The following NCOA7 variants were observed in gnomAD, a reference collection of about 807,000 sequenced individuals.
NCOA7 encodes the protein nuclear receptor coactivator 7.
NCOA7 carries 45 observed loss-of-function variants against 104.3 expected under a neutral mutation model. That is an observed-to-expected ratio of 0.43 (90% CI 0.34 to 0.55). NCOA7 has a LOEUF of 0.55. NCOA7 is among the 20% of genes least tolerant of loss of function. NCOA7 has a pLI of 0.02. For synonymous variants in NCOA7, 398 were observed against 402.3 expected, an observed-to-expected ratio of 0.99 and a Z score of 0.13; for missense variants, 1,041 against 1,119.7, an observed-to-expected ratio of 0.93 and a Z score of 1.00.
At chr6:125,842,686 G>T (rs971564417) in intron 2 of NCOA7, among the ~76,000 whole-genome samples, 1 of 152,142 alleles carries the variant, frequency 6.6e-6, no homozygotes, top group African/African-American at 2.4e-5. Flanking sequence ...TAAGTAATTA[G>T]ATATGAAAAT....
At chr6:125,849,109 G>A (rs1249885078) in intron 2 of NCOA7, among the ~76,000 whole-genome samples, 1 of 152,166 alleles carries the variant, frequency 6.6e-6, no homozygotes, top group African/African-American at 2.4e-5. Context: ...CCCTGGCTTT[G>A]CTTACTGCCA....
intron 10 of NCOA7, among the ~76,000 whole-genome samples, chr6:125,899,428 A>G (rs369269905): frequency 6.6e-6 from 1 of 152,196 alleles, no homozygotes; most frequent in Non-Finnish European, 1.5e-5. Context: ...TTAGTACTGT[A>G]CTTGCTGGAA....
rs1216343637 is a variant in NCOA7, at chr6:125,929,914, A to G, written c.*1143A>G. 2 of 152,214 alleles carry G rather than the reference A, an allele frequency of 1.3e-5. No individual in the cohort carries two copies. The highest frequency in any genetic ancestry group is 1.9e-4 in the East Asian group (1 of 5,204). The allele number at this position is 152,214 out of a possible 1,614,324, so 9.4% of individuals were successfully genotyped here. Reference sequence around the variant, plus strand: ...CTGCATTTTTTAAATCAAATGAAAAACGTCAAATTGGACCAATTGTCTTGG... The same window carrying G: ...CTGCATTTTTTAAATCAAATGAAAAGCGTCAAATTGGACCAATTGTCTTGG... On this transcript the variant is annotated 3_prime_UTR_variant, in exon 16 of 16. Coordinates refer to ENST00000392477, the MANE Select transcript of NCOA7 (RefSeq NM_181782.5).
chr6:125,863,555 A>G (rs1378266796), intron 3 of NCOA7, among the ~76,000 whole-genome samples: 1 of 138,556 alleles, frequency 7.2e-6, no homozygotes, highest in Non-Finnish European at 1.5e-5. Flanking sequence ...AAGTACAGTC[A>G]GGGGTTTTAA....
chr6:125,885,053 G>A (rs1386652557), intron 7 of NCOA7, 106 bp from the exon 8 acceptor site: 2 of 1,138,012 alleles, frequency 1.8e-6, no homozygotes, highest in African/African-American at 3.1e-5. Flanking sequence ...GGATACTGTG[G>A]TTCACAAAGT....
intron 1 of NCOA7, among the ~76,000 whole-genome samples, chr6:125,804,980 G>A (rs1226782130): frequency 1.4e-5 from 2 of 147,956 alleles, no homozygotes; most frequent in Non-Finnish European, 3.0e-5. Flanking sequence ...GTACTGACAT[G>A]TTTACTAAAG....
intron 2 of NCOA7, among the ~76,000 whole-genome samples, chr6:125,853,811 T>C (rs1781327137): frequency 6.6e-6 from 1 of 152,192 alleles, no homozygotes; most frequent in South Asian, 2.1e-4. Flanking sequence ...GTTATCACCA[T>C]TTAAGATATA....
chr6:125,856,427 A>G (rs533265285), intron 3 of NCOA7, among the ~76,000 whole-genome samples: 1 of 152,050 alleles, frequency 6.6e-6, no homozygotes, highest in South Asian at 2.1e-4. Context: ...ATCTCGGCTC[A>G]CTGTAAGCTC....
At chr6:125,868,155 A>T (rs73586211) in intron 3 of NCOA7, among the ~76,000 whole-genome samples, 1,867 of 152,314 alleles carry the variant, frequency 0.012, 29 homozygotes, top group African/African-American at 0.043. Flanking sequence ...AAATACAATA[A>T]TGGCTGTTTA....
chr6:125,848,899 A>T (rs1254867993), intron 2 of NCOA7, among the ~76,000 whole-genome samples: 1 of 152,252 alleles, frequency 6.6e-6, no homozygotes, highest in Non-Finnish European at 1.5e-5. Flanking sequence ...GCTGCTAATC[A>T]GAGAAAGCTG....
chr6:125,884,380 G>A (rs1157403331), intron 7 of NCOA7, among the ~76,000 whole-genome samples: 1 of 152,110 alleles, frequency 6.6e-6, no homozygotes, highest in African/African-American at 2.4e-5. Flanking sequence ...TGAGATTGCT[G>A]AATCTACAAA....
At chr6:125,864,244 T>A (rs1472909187) in intron 3 of NCOA7, among the ~76,000 whole-genome samples, 1 of 136,996 alleles carries the variant, frequency 7.3e-6, no homozygotes, top group East Asian at 2.1e-4. Flanking sequence ...AGTAGAAAAA[T>A]AGTTAATGAT....
rs368873017 is a variant in NCOA7, at chr6:125,856,454, A to G, written c.271+1214A>G. Among the ~76,000 whole-genome samples the G allele has an allele frequency of 2.0e-3, 309 of 151,964 alleles. 1 individual carries two copies. Among genetic ancestry groups the G allele is most frequent in the African/African-American group, 7.2e-3 (298 of 41,440 alleles). ...TGTAAGCTCTGCCTCCCGGGTTCACACCATCCTCCTGCCTCAGCCTCCCGA... is the reference window on the plus strand; with the variant it reads ...TGTAAGCTCTGCCTCCCGGGTTCACGCCATCCTCCTGCCTCAGCCTCCCGA... On this transcript the variant is annotated intron_variant, in intron 3 of 15. Coordinates refer to ENST00000392477, the MANE Select transcript of NCOA7 (RefSeq NM_181782.5).
chr6:125,880,985 A>T (rs1783778051), intron 5 of NCOA7, 105 bp from the exon 6 acceptor site: 2 of 768,764 alleles, frequency 2.6e-6, no homozygotes, highest in Non-Finnish European at 4.6e-6. Context: ...CTAGGTCGTA[A>T]TCATGCACTG....
At chr6:125,926,311 CAA>C (rs59529465) in intron 13 of NCOA7, among the ~76,000 whole-genome samples, 29 of 102,106 alleles carry the variant, frequency 2.8e-4, no homozygotes, top group Non-Finnish European at 3.5e-4. Flanking sequence ...GACTCCATCT[CAA>C]AAAAAAAAAA....
Position 125,885,180 on chromosome 6 carries a change from A to G in NCOA7, c.721A>G (p.Ile241Val). 2 of 1,613,960 alleles carry G rather than the reference A, an allele frequency of 1.2e-6. No homozygotes were observed. Among genetic ancestry groups the G allele is most frequent in the Non-Finnish European group, 1.7e-6 (2 of 1,179,912 alleles). ...DGKGVVGGVM[I>V]VTPNNIMFDP... ...GCAGGGTGTGGTTGGCGGTGTTATGATAGTGACTCCTAACAACATCATGTT... is the reference window on the plus strand; with the variant it reads ...GCAGGGTGTGGTTGGCGGTGTTATGGTAGTGACTCCTAACAACATCATGTT... Residue 241 changes from isoleucine (I) to valine (V), a missense_variant, in exon 8 of 16, where the codon ATA becomes GTA. Physicochemically the swap from Ile to Val is conservative, Grantham distance 29. Transcript: ENST00000392477.
chr6:125,819,030 C>G (rs1173025691), intron 2 of NCOA7, among the ~76,000 whole-genome samples: 2 of 152,132 alleles, frequency 1.3e-5, no homozygotes, highest in East Asian at 3.9e-4. Flanking sequence ...GATGCTGTGC[C>G]TGCTGCCACA....
chr6:125,885,200 C>T lies in NCOA7; in HGVS notation c.741C>T (p.Ile247=), dbSNP rs1298731320. 3.1e-6 allele frequency: 5 copies of T among 1,613,992 alleles called. No homozygotes were observed. The highest frequency in any genetic ancestry group is 4.2e-6 in the Non-Finnish European group (5 of 1,179,930). The stretch of plus-strand genomic sequence containing the variant: ...TTATGATAGTGACTCCTAACAACAT[C>T]ATGTTTGACCCTCATAAATCTGATC... The part of the protein sequence containing the change: ...GGVMIVTPNN[I]MFDPHKSDPL... The change falls in exon 8 of 16, where the codon ATC becomes ATT. Residue 247 remains isoleucine, a synonymous_variant. Transcript: ENST00000392477.
chr6:125,923,361 C>T (rs138506500), intron 13 of NCOA7, among the ~76,000 whole-genome samples: 53 of 152,270 alleles, frequency 3.5e-4, no homozygotes, highest in African/African-American at 9.4e-4. Context: ...TACACTGTAC[C>T]GTTCTTGATT....
Sources: gnomAD v4.1 joint callset for allele counts (sites outside exome capture counted in the v4.1 genomes callset) on GRCh38, gnomAD v4.1.1 for gene constraint, MANE v1.5 for transcripts, NCBI Gene and HGNC (gene_info 2026-07-23, HGNC 2026-07-21) for gene names.